The following MED13L variants were observed in gnomAD, a reference collection of about 807,000 sequenced individuals.
The protein encoded by MED13L is mediator complex subunit 13L.
A neutral mutation model predicts 220.9 loss-of-function variants in MED13L; 7 were observed. That is an observed-to-expected ratio of 0.03 (90% CI 0.02 to 0.06). The LOEUF (loss-of-function observed/expected upper bound fraction) is 0.06. Ranked by LOEUF, MED13L falls within the 10% of genes least tolerant of loss-of-function variation. The pLI, the probability that MED13L is intolerant of heterozygous loss-of-function variation, is 1.00. For synonymous variants in MED13L, 1,011 were observed against 1,015.2 expected (o/e 1.00, Z 0.08); for missense variants, 1,965 against 2,760.5 (o/e 0.71, Z 6.46).
At chr12:116,114,892 T>C (rs1348907162) in intron 2 of MED13L, among the ~76,000 whole-genome samples, 3 of 152,144 alleles carry the variant, frequency 2.0e-5, no homozygotes, top group African/African-American at 4.8e-5. Context: ...GTATAAATCT[T>C]ACAAAATATG....
At chr12:116,205,047 A>T (rs1437555306) in intron 2 of MED13L, among the ~76,000 whole-genome samples, 3 of 152,074 alleles carry the variant, frequency 2.0e-5, no homozygotes, top group Non-Finnish European at 4.4e-5. Flanking sequence ...ATGGCCTCCT[A>T]CTTACTCAAC....
At chr12:116,066,454 T>G (rs1869935474) in intron 4 of MED13L, among the ~76,000 whole-genome samples, 1 of 152,168 alleles carries the variant, frequency 6.6e-6, no homozygotes, top group African/African-American at 2.4e-5. Context: ...TTAGCCTTGC[T>G]TGAAAAATGC....
chr12:116,032,206 A>G (rs1181547390), intron 4 of MED13L, among the ~76,000 whole-genome samples: 1 of 152,206 alleles, frequency 6.6e-6, no homozygotes, highest in Admixed American at 6.5e-5. Flanking sequence ...TCCCAAAATG[A>G]TCTAAAAATT....
chr12:116,031,734 AGAAAAGAAAAGAAAAGAAAAGAAAAGAAG>A (rs1880810467), intron 4 of MED13L, among the ~76,000 whole-genome samples: 63 of 76,124 alleles, frequency 8.3e-4, no homozygotes, highest in East Asian at 3.0e-3. Flanking sequence ...AGAAAAGAAA[AGAAAAGAAAAGAAAAGAAAAGAAAAGAAG>A]GAAGGAAGGA....
chr12:116,094,852 T>G (rs1376994093), intron 4 of MED13L, among the ~76,000 whole-genome samples: 1 of 152,134 alleles, frequency 6.6e-6, no homozygotes, highest in Non-Finnish European at 1.5e-5. Flanking sequence ...TCTGTAAATT[T>G]AAGGAGAATG....
chr12:115,996,777 A>T, intron 15 of MED13L, 96 bp from the exon 16 acceptor site: 1 of 1,177,316 alleles, frequency 8.5e-7, no homozygotes, highest in Non-Finnish European at 1.3e-6. Flanking sequence ...AACCAAAATG[A>T]TCGTATTTCA....
chr12:116,019,363 A>G lies in MED13L; in HGVS notation c.870T>C (p.Asn290=). The G allele has an allele frequency of 6.2e-7, 1 of 1,614,050 alleles. No individual in the cohort carries two copies. Among genetic ancestry groups the G allele is most frequent in the Middle Eastern group, 1.7e-4 (1 of 6,058 alleles). ...CAACACTCTGAGGAACCGGGATGTCATTCTGAGAGATCAAAACAAATGCTG... is the reference window on the plus strand; with the variant it reads ...CAACACTCTGAGGAACCGGGATGTCGTTCTGAGAGATCAAAACAAATGCTG... ...YPSAFVLISQ[N]DIPVPQSVAS... Residue 290 remains asparagine, a synonymous_variant, in exon 7 of 31, where the codon AAT becomes AAC. Transcript: ENST00000281928.
At chr12:116,059,005 T>A (rs990435790) in intron 4 of MED13L, among the ~76,000 whole-genome samples, 3 of 152,228 alleles carry the variant, frequency 2.0e-5, no homozygotes, top group Non-Finnish European at 4.4e-5. Flanking sequence ...CATTTATACA[T>A]TGATATGTAA....
rs553221037 is a variant in MED13L, at chr12:116,118,826, C to CTAACA, written c.311-7319_311-7315dup. ...AAGAACTAGGAATGCTCTCAAAAAG[C>CTAACA]TAACACATGTATGTGCAAACCACTC... On this transcript the variant is annotated intron_variant, in intron 2 of 30. Transcript: ENST00000281928. Among the ~76,000 whole-genome samples, 167 of 152,294 alleles carry CTAACA rather than the reference C, an allele frequency of 1.1e-3. 1 individual carries two copies. The highest frequency in any genetic ancestry group is 5.2e-3 in the South Asian group (25 of 4,822).
At chr12:116,021,886 G>C (rs1880082873) in intron 5 of MED13L, among the ~76,000 whole-genome samples, 2 of 152,114 alleles carry the variant, frequency 1.3e-5, no homozygotes, top group African/African-American at 2.4e-5. Context: ...AGGTGGTAAA[G>C]CTGAGAATTA....
chr12:116,060,993 A>G (rs935434558), intron 4 of MED13L, among the ~76,000 whole-genome samples: 2 of 152,166 alleles, frequency 1.3e-5, no homozygotes, highest in Non-Finnish European at 2.9e-5. Flanking sequence ...TTTATTTTCT[A>G]TCTCCTGCCT....
At chr12:116,161,361 A>G (rs975014857) in intron 2 of MED13L, among the ~76,000 whole-genome samples, 9 of 152,124 alleles carry the variant, frequency 5.9e-5, no homozygotes, top group African/African-American at 1.9e-4. Context: ...TTGAAAATCT[A>G]AAGAGTTTGG....
intron 2 of MED13L, among the ~76,000 whole-genome samples, chr12:116,147,027 A>G (rs1877586044): frequency 6.6e-6 from 1 of 152,180 alleles, no homozygotes; most frequent in Non-Finnish European, 1.5e-5. Context: ...ATGCCTAAGA[A>G]GGTACTACTG....
rs1487181166 is a variant in MED13L, at chr12:115,975,302, C to T, written c.5600G>A (p.Ser1867Asn). 1.9e-6 allele frequency: 3 copies of T among 1,614,022 alleles called. No individual in the cohort carries two copies. The highest frequency in any genetic ancestry group is 2.2e-5 in the South Asian group (2 of 91,088). The change falls in exon 25 of 31, where the codon AGT becomes AAT. Residue 1867 changes from serine to asparagine, a missense_variant. By Grantham distance (46) the Ser-to-Asn change is conservative. This residue lies in a region of MED13L where 510 missense variants were observed against 620.4 expected (regional missense o/e 0.82). Transcript: ENST00000281928. ...TCCAATTTTACGTGCAGATACTTTA[C>T]TCCTCCGTGACCTAACAAATAAAGA... is the stretch of plus-strand genomic sequence containing the variant. ...NIALPNRSRR[S>N]KVSARKIGLQ... is the part of the protein sequence containing the mutation.
In MED13L at chr12:115,991,891, GGGTGTGTTCATCTGT is replaced by G. The variant is rs2137308384; in HGVS notation, c.3048_3062del (p.Gln1017_Pro1021del). The G allele has an allele frequency of 2.5e-6, 4 of 1,602,108 alleles. No homozygotes were observed. The highest frequency in any genetic ancestry group is 2.5e-6 in the Non-Finnish European group (3 of 1,179,918). On this transcript the variant is annotated inframe_deletion, in exon 17 of 31. Coordinates refer to ENST00000281928, the MANE Select transcript of MED13L (RefSeq NM_015335.5). The surrounding 1 kb of genome is among the most constrained non-coding windows in gnomAD (Gnocchi z 7.7). ...CTGGGGCAGCGCTGTTCAACGTCAC[GGGTGTGTTCATCTGT>G]GGTGTGTTCAGATAGTCTGGATCTG...
chr12:116,237,748 TACAG>T (rs773911336), intron 1 of MED13L, 43 bp from the exon 2 acceptor site: 28 of 1,522,528 alleles, frequency 1.8e-5, no homozygotes, highest in Middle Eastern at 3.4e-4. Context: ...TCATTTTACT[TACAG>T]ACCACTAAAA....
At chr12:116,019,181 T>C (rs1309257784) in intron 7 of MED13L, 43 bp downstream of exon 7, 1 of 1,586,124 alleles carries the variant, frequency 6.3e-7, no homozygotes, top group Admixed American at 1.7e-5. Context: ...TATACAATTG[T>C]CTGAGATCTC....
chr12:116,135,888 T>G (rs910393661), intron 2 of MED13L, among the ~76,000 whole-genome samples: 2 of 151,994 alleles, frequency 1.3e-5, no homozygotes, highest in African/African-American at 4.8e-5. Context: ...AGTGGGGCTG[T>G]TTTTCAAAGA....
chr12:115,978,179 A>G (rs1877076379), intron 23 of MED13L, among the ~76,000 whole-genome samples: 1 of 152,138 alleles, frequency 6.6e-6, no homozygotes, highest in South Asian at 2.1e-4. Flanking sequence ...AGTGGTTGCC[A>G]AGGACTGGAG....
Sources: gnomAD v4.1 joint callset for allele counts (sites outside exome capture counted in the v4.1 genomes callset) on GRCh38, gnomAD v4.1.1 for gene constraint, gnomAD v4.1.1 regional missense constraint, Gnocchi (gnomAD v3.1) non-coding constraint, MANE v1.5 for transcripts, NCBI Gene and HGNC (gene_info 2026-07-23, HGNC 2026-07-21) for gene names.